Variants in SERBP1 observed in about 807,000 individuals in gnomAD.
SERBP1 encodes SERPINE1 mRNA-binding protein 1.
In SERBP1, 6 loss-of-function variants were observed where a neutral mutation model predicts 50.2. The observed-to-expected ratio is 0.12, with a 90% CI of 0.07 to 0.24. The LOEUF is 0.24. SERBP1 is among the 10% of genes least tolerant of loss of function. The pLI, the probability that SERBP1 is intolerant of heterozygous loss-of-function variation, is 1.00. For synonymous variants in SERBP1, 168 were observed against 182.8 expected (o/e 0.92, Z 0.65); for missense variants, 346 against 524.9 (o/e 0.66, Z 3.33).
chr1:67,426,292 C>T lies in SERBP1; in HGVS notation c.314-7G>A, dbSNP rs368744513. ...CTTCCAACTCGTCTTATTCCTAAAA[C>T]GATAAGATAACCTGCATAAGCAAAT... On this transcript the variant is annotated splice_region_variant and splice_polypyrimidine_tract_variant and intron_variant, in intron 1 of 7. Transcript: ENST00000361219. The T allele has an allele frequency of 5.0e-5, 79 of 1,582,008 alleles. No individual in the cohort carries two copies. The highest frequency in any genetic ancestry group is 6.2e-5 in the Non-Finnish European group (72 of 1,166,554).
intron 7 of SERBP1, 133 bp from the exon 8 acceptor site, chr1:67,413,396 C>T (rs1666901184): frequency 1.3e-6 from 1 of 795,432 alleles, no homozygotes; most frequent in Non-Finnish European, 1.9e-6. Flanking sequence ...CACCTGTAAT[C>T]CCAGCGCTTT....
rs397861816 is a variant in SERBP1, at chr1:67,417,971, GTTTTTTTTTTTT to G, written c.951+2026_951+2037del. 5.1e-3 allele frequency among the ~76,000 whole-genome samples: 393 copies of G among 76,858 alleles called. 2 individuals carry two copies. The highest frequency in any genetic ancestry group is 7.2e-3 in the Non-Finnish European group (324 of 45,140). 50.4% of individuals were successfully genotyped at this position (76,858 alleles called of 152,430 possible). On this transcript the variant is annotated intron_variant, in intron 6 of 7. Transcript: ENST00000361219. Reference sequence around the variant, plus strand: ...GAAGACATGTGAAAGTTAAAGTGTTGTTTTTTTTTTTTTTTTTTTTTTTTGAGACAGTCTTGC... The same window carrying G: ...GAAGACATGTGAAAGTTAAAGTGTTGTTTTTTTTTTTTGAGACAGTCTTGC...
rs950638002 is a variant in SERBP1 at position 67,409,559 on chromosome 1, T to C, written c.*3648A>G. 1 of 152,160 alleles carries C rather than the reference T, an allele frequency of 6.6e-6. No homozygotes were observed. Among genetic ancestry groups the C allele is most frequent in the African/African-American group, 2.4e-5 (1 of 41,430 alleles). 9.4% of individuals were successfully genotyped at this position (152,160 alleles called of 1,614,324 possible). On this transcript the variant is annotated 3_prime_UTR_variant, in exon 8 of 8. Transcript: ENST00000361219. ...ATGATGGCTTTAGCAATTTATATTC[T>C]AACCATTTCCTAAACTTAAGCTTCT...
intron 4 of SERBP1, 81 bp downstream of exon 4, chr1:67,424,807 T>C: frequency 9.5e-7 from 1 of 1,051,456 alleles, no homozygotes. Flanking sequence ...CATTCTTATC[T>C]CAGAGACAAG....
chr1:67,429,259 G>A (rs1667486076), intron 1 of SERBP1, among the ~76,000 whole-genome samples: 1 of 152,194 alleles, frequency 6.6e-6, no homozygotes, highest in Admixed American at 6.5e-5. Flanking sequence ...ACTCGAGGAC[G>A]TTCCTCGGGA....
Position 67,429,813 on chromosome 1 carries a change from C to T in SERBP1, c.313+175G>A, listed in dbSNP as rs1343869984. ...CGCCGGCGGTGGCTTGAACTTGGGG[C>T]TACCACGCTCCTGGCACCTTCGCAG... is the stretch of plus-strand genomic sequence containing the variant. On this transcript the variant is annotated intron_variant, in intron 1 of 7. Coordinates refer to ENST00000361219, the MANE Select transcript of SERBP1 (RefSeq NM_001018069.2). Among the ~76,000 whole-genome samples, 3 of 152,154 alleles carry T rather than the reference C, an allele frequency of 2.0e-5. No individual in the cohort carries two copies. In the East Asian group the frequency reaches 5.8e-4, roughly 29 times the overall value.
chr1:67,421,513 A>G (rs1331521162), intron 5 of SERBP1, among the ~76,000 whole-genome samples: 2 of 152,222 alleles, frequency 1.3e-5, no homozygotes, highest in East Asian at 1.9e-4. Flanking sequence ...TGTGATGGAT[A>G]ATTATTTTCT....
At chr1:67,419,124 CCT>C (rs1442920340) in intron 6 of SERBP1, among the ~76,000 whole-genome samples, 5 of 152,334 alleles carry the variant, frequency 3.3e-5, no homozygotes, top group African/African-American at 4.8e-5. Context: ...GAACATTCTG[CCT>C]CTGTCAGTCT....
At chr1:67,421,595 A>G (rs1667199163) in intron 5 of SERBP1, among the ~76,000 whole-genome samples, 1 of 152,200 alleles carries the variant, frequency 6.6e-6, no homozygotes. Flanking sequence ...CTATCAATAC[A>G]TTAGTACCTT....
chr1:67,416,502 ACT>A (rs1443038076), intron 6 of SERBP1, among the ~76,000 whole-genome samples: 1 of 152,216 alleles, frequency 6.6e-6, no homozygotes. Flanking sequence ...TACTTATAGG[ACT>A]TGAAAGTACA....
rs531766466 is a variant in SERBP1, at chr1:67,410,146, G to C, written c.*3061C>G. 1 of 152,128 alleles carries C rather than the reference G, an allele frequency of 6.6e-6. No individual in the cohort carries two copies. The highest frequency in any genetic ancestry group is 1.5e-5 in the Non-Finnish European group (1 of 68,026). The allele number at this position is 152,128 out of a possible 1,614,324, so 9.4% of individuals were successfully genotyped here. On this transcript the variant is annotated 3_prime_UTR_variant, in exon 8 of 8. Coordinates refer to ENST00000361219, the MANE Select transcript of SERBP1 (RefSeq NM_001018069.2). ...TACCTCTAAGGTCAACATCAGTTAG[G>C]TTCTAGTAACTTCCTATTTCTCATT... is the stretch of plus-strand genomic sequence containing the variant.
chr1:67,424,861 A>C (rs1667319316), intron 4 of SERBP1, 27 bp downstream of exon 4: 1 of 1,578,306 alleles, frequency 6.3e-7, no homozygotes, highest in South Asian at 1.1e-5. Flanking sequence ...TTAGGTATAG[A>C]ATTTTTAAGA....
chr1:67,418,380 T>TA, intron 6 of SERBP1, among the ~76,000 whole-genome samples: 1 of 152,270 alleles, frequency 6.6e-6, no homozygotes, highest in East Asian at 1.9e-4. Flanking sequence ...TCTCTAAACC[T>TA]AAAAAAACTT....
intron 1 of SERBP1, 30 bp from the exon 2 acceptor site, chr1:67,426,315 A>C (rs1379990533): frequency 6.5e-7 from 1 of 1,543,374 alleles, no homozygotes; most frequent in African/African-American, 1.4e-5. Flanking sequence ...TGCATAAGCA[A>C]ATTATTTTTG....
intron 7 of SERBP1, 93 bp downstream of exon 7, chr1:67,415,073 C>T (rs1019740314): frequency 1.2e-5 from 17 of 1,369,710 alleles, no homozygotes; most frequent in African/African-American, 4.4e-5. Flanking sequence ...ACTACTTCTA[C>T]TTATGTTCCC....
Position 67,415,263 on chromosome 1 carries a change from T to C in SERBP1, c.1028A>G (p.Asn343Ser), listed in dbSNP as rs1666966422. Reference protein sequence around the residue: ...ANDITSQLEINFGDLGRPGRG... With the variant: ...ANDITSQLEISFGDLGRPGRG... ...TCCTGGGCGGCCAAGGTCTCCAAAATTGATCTCCAGCTGAGACGTTATATC... is the reference window on the plus strand; with the variant it reads ...TCCTGGGCGGCCAAGGTCTCCAAAACTGATCTCCAGCTGAGACGTTATATC... Residue 343 changes from asparagine to serine, a missense_variant, in exon 7 of 8, where the codon AAT becomes AGT. Physicochemically the swap from Asn to Ser is conservative, Grantham distance 46. Transcript: ENST00000361219. The C allele has an allele frequency of 1.9e-6, 3 of 1,613,048 alleles. No individual in the cohort carries two copies. Among genetic ancestry groups the C allele is most frequent in the Non-Finnish European group, 1.7e-6 (2 of 1,179,494 alleles).
chr1:67,430,397 A>G lies in SERBP1; in HGVS notation c.-97T>C, dbSNP rs1366138613. Reference sequence around the variant, plus strand: ...CTCTTCCCACAAGATGGCCGGGCCGAGAGAGGGGGGCCGTCTTCTCTTCCG... The same window carrying G: ...CTCTTCCCACAAGATGGCCGGGCCGGGAGAGGGGGGCCGTCTTCTCTTCCG... On this transcript the variant is annotated 5_prime_UTR_variant, in exon 1 of 8. Transcript: ENST00000361219. 1.5e-6 allele frequency: 2 copies of G among 1,315,218 alleles called. No individual in the cohort carries two copies. Among genetic ancestry groups the G allele is most frequent in the Non-Finnish European group, 2.1e-6 (2 of 967,464 alleles). 81.5% of individuals were successfully genotyped at this position (1,315,218 alleles called of 1,614,324 possible).
At chr1:67,417,810 C>T (rs544703727) in intron 6 of SERBP1, among the ~76,000 whole-genome samples, 1 of 151,696 alleles carries the variant, frequency 6.6e-6, no homozygotes, top group Admixed American at 6.6e-5. Context: ...TGTGTCCGAC[C>T]TTTTTTCTAG....
chr1:67,417,472 T>C lies in SERBP1; in HGVS notation c.952-2133A>G, dbSNP rs116096886. On this transcript the variant is annotated intron_variant, in intron 6 of 7. Transcript: ENST00000361219. The stretch of plus-strand genomic sequence containing the variant: ...GAATCCCCTGCAGATACCAAGAAAC[T>C]GTACTGGGATAAAGTCAGGGCAGGG... Among the ~76,000 whole-genome samples the C allele has an allele frequency of 8.1e-3, 1,236 of 152,146 alleles. 21 individuals are homozygous for C. Among genetic ancestry groups the C allele is most frequent in the African/African-American group, 0.029 (1,189 of 41,536 alleles).
Sources: allele counts gnomAD v4.1 joint callset (sites outside exome capture counted in the v4.1 genomes callset), GRCh38; gene constraint gnomAD v4.1.1; transcripts MANE v1.5; gene names NCBI Gene and HGNC (gene_info 2026-07-23, HGNC 2026-07-21).